The following SBF2 variants were observed in gnomAD, a reference collection of about 807,000 sequenced individuals.
SBF2 encodes SET binding factor 2, also known as myotubularin-related protein 13.
In SBF2, 112 loss-of-function variants were observed where a neutral mutation model predicts 225.2. That is an observed-to-expected ratio of 0.50 (90% confidence interval 0.43 to 0.58). The LOEUF (loss-of-function observed/expected upper bound fraction) is 0.58, where lower values mean the gene tolerates loss of function less well. Among genes scored for constraint, SBF2 ranks in the 20% least tolerant of loss-of-function variants. The probability of loss-of-function intolerance (pLI) is 0.00; values close to 1 mark genes in which losing one functional copy is unlikely to be tolerated. For synonymous variants in SBF2, 763 were observed against 773.3 expected, an observed-to-expected ratio of 0.99 and a Z score of 0.22; for missense variants, 1,996 against 2,206.2, an observed-to-expected ratio of 0.90 and a Z score of 1.91.
At chr11:9,792,533 G>A (rs946364688) in intron 33 of SBF2, among the ~76,000 whole-genome samples, 8 of 152,126 alleles carry the variant, frequency 5.3e-5, no homozygotes, top group African/African-American at 1.9e-4. Flanking sequence ...TACCACAGGT[G>A]TTCCTAAACA....
chr11:9,959,888 C>G (rs1866450676), intron 16 of SBF2: 1 of 411,570 alleles, frequency 2.4e-6, no homozygotes, highest in Non-Finnish European at 4.7e-6. Context: ...CTCAGAAACT[C>G]TGCTCTTCTC....
At position 10,255,979 on chromosome 11, in the gene SBF2, A is replaced by C. The variant is rs187033868; in HGVS notation, c.55+38036T>G. 3.8e-3 allele frequency among the ~76,000 whole-genome samples: 582 copies of C among 152,328 alleles called. 4 individuals carry two copies. Among genetic ancestry groups the C allele is most frequent in the South Asian group, 5.4e-3 (26 of 4,826 alleles). On this transcript the variant is annotated intron_variant, in intron 1 of 39. Coordinates refer to ENST00000256190, the MANE Select transcript of SBF2 (RefSeq NM_030962.4). ...CCTGTCAAATCAGTCAACACCATTC[A>C]CATCAACTAAGTAAATTATTGTGCT...
At chr11:10,057,134 T>C (rs1950283663) in intron 2 of SBF2, among the ~76,000 whole-genome samples, 1 of 151,918 alleles carries the variant, frequency 6.6e-6, no homozygotes, top group Non-Finnish European at 1.5e-5. Flanking sequence ...AAATCTGAGG[T>C]GACTAGAGAC....
At chr11:9,787,427 G>A (rs976951792) in intron 36 of SBF2, among the ~76,000 whole-genome samples, 3 of 152,176 alleles carry the variant, frequency 2.0e-5, no homozygotes, top group African/African-American at 7.2e-5. Flanking sequence ...TAAGTATTAT[G>A]TCACTGTGGT....
intron 16 of SBF2, among the ~76,000 whole-genome samples, chr11:9,936,892 A>C (rs974540461): frequency 3.3e-5 from 5 of 151,942 alleles, no homozygotes; most frequent in Non-Finnish European, 7.4e-5. Context: ...ATGGCACATG[A>C]GAGCAAGAAC....
intron 3 of SBF2, among the ~76,000 whole-genome samples, chr11:10,042,083 G>T (rs1376343200): frequency 1.3e-5 from 2 of 152,118 alleles, no homozygotes; most frequent in South Asian, 4.1e-4. Context: ...GCAGGAGAAT[G>T]GATATTCTAG....
chr11:10,144,549 A>T (rs111723048), intron 2 of SBF2, among the ~76,000 whole-genome samples: 75 of 152,342 alleles, frequency 4.9e-4, no homozygotes, highest in African/African-American at 1.7e-3. Flanking sequence ...AATTTCATGA[A>T]GAAAAAAATA....
intron 1 of SBF2, among the ~76,000 whole-genome samples, chr11:10,263,368 A>C (rs768858100): frequency 6.6e-6 from 1 of 152,088 alleles, no homozygotes; most frequent in Non-Finnish European, 1.5e-5. Context: ...ATAATGACAT[A>C]ATGCTGGAAG....
intron 2 of SBF2, among the ~76,000 whole-genome samples, chr11:10,145,427 C>CA (rs1274180937): frequency 6.6e-6 from 1 of 151,982 alleles, no homozygotes; most frequent in Non-Finnish European, 1.5e-5. Context: ...TTGTTCCAAT[C>CA]AGTTATGAGA....
chr11:9,993,183 C>CAT (rs772959078), intron 10 of SBF2, 80 bp from the exon 11 acceptor site: 30 of 1,004,172 alleles, frequency 3.0e-5, no homozygotes, highest in Non-Finnish European at 4.3e-5. Flanking sequence ...GTGAAAAGGG[C>CAT]ATATATTCCA....
chr11:9,965,580 G>C (rs768884930), intron 14 of SBF2, among the ~76,000 whole-genome samples: 1 of 152,060 alleles, frequency 6.6e-6, no homozygotes. Flanking sequence ...GAGCCACCGC[G>C]CCCAGCCTTA....
intron 1 of SBF2, among the ~76,000 whole-genome samples, chr11:10,244,197 T>C (rs964811940): frequency 3.3e-5 from 5 of 152,236 alleles, no homozygotes; most frequent in African/African-American, 1.2e-4. Context: ...CAAGAAATCA[T>C]TGCCAAGGCT....
At chr11:10,282,641 T>C (rs1308689207) in intron 1 of SBF2, among the ~76,000 whole-genome samples, 2 of 152,192 alleles carry the variant, frequency 1.3e-5, no homozygotes, top group Non-Finnish European at 2.9e-5. Context: ...TACTAAATTT[T>C]ACTAATCTGA....
At chr11:9,793,060 G>A (rs1168412817) in intron 33 of SBF2, among the ~76,000 whole-genome samples, 3 of 151,410 alleles carry the variant, frequency 2.0e-5, no homozygotes, top group Non-Finnish European at 2.9e-5. Flanking sequence ...TTATAGGTGT[G>A]AGCCGTTGCA....
chr11:9,902,727 G>A (rs2134158378), intron 16 of SBF2, among the ~76,000 whole-genome samples: 1 of 152,274 alleles, frequency 6.6e-6, no homozygotes, highest in South Asian at 2.1e-4. Context: ...CACATTGACT[G>A]TATAAAACAA....
intron 13 of SBF2, among the ~76,000 whole-genome samples, chr11:9,980,805 A>G (rs1229164680): frequency 6.6e-6 from 1 of 151,960 alleles, no homozygotes; most frequent in East Asian, 1.9e-4. Context: ...TGACTTTGTG[A>G]TCTGCCTGCC....
At chr11:10,000,483 G>C (rs1015271839) in intron 8 of SBF2, among the ~76,000 whole-genome samples, 7 of 152,226 alleles carry the variant, frequency 4.6e-5, no homozygotes, top group Middle Eastern at 3.4e-3. Context: ...AAATTTCGTG[G>C]AAGCTCATAC....
intron 2 of SBF2, among the ~76,000 whole-genome samples, chr11:10,081,557 G>A (rs1324248536): frequency 1.3e-5 from 2 of 151,992 alleles, no homozygotes; most frequent in East Asian, 1.9e-4. Context: ...TCAGGAGATC[G>A]AGACCATCCT....
At chr11:9,916,161 T>G (rs1023301288) in intron 16 of SBF2, among the ~76,000 whole-genome samples, 8 of 152,184 alleles carry the variant, frequency 5.3e-5, no homozygotes, top group African/African-American at 1.7e-4. Flanking sequence ...AAAGATAAAC[T>G]AATCAAATAC....
Sources: allele counts gnomAD v4.1 joint callset (sites outside exome capture counted in the v4.1 genomes callset), GRCh38; gene constraint gnomAD v4.1.1; transcripts MANE v1.5; gene names NCBI Gene and HGNC (gene_info 2026-07-23, HGNC 2026-07-21).